FBN2: variants seen among roughly 807,000 people sequenced by gnomAD.
The protein encoded by FBN2 is fibrillin 2, also known as fibrillin-2.
In FBN2, 105 loss-of-function variants were observed where a neutral mutation model predicts 355.6. The observed-to-expected ratio is 0.30, with a 90% CI of 0.25 to 0.35. The LOEUF (loss-of-function observed/expected upper bound fraction) is 0.35, where lower values mean the gene tolerates loss of function less well. Ranked by LOEUF, FBN2 falls within the 10% of genes least tolerant of loss-of-function variation. FBN2 has a pLI of 1.00. For missense variants in FBN2, 3,280 were observed against 3,758.7 expected (o/e 0.87, Z 3.33); for synonymous variants, 1,350 against 1,301.2 (o/e 1.04, Z -0.81).
chr5:128,444,054 CTTTTTTTTT>C (rs35768962), intron 7 of FBN2, among the ~76,000 whole-genome samples: 70 of 65,606 alleles, frequency 1.1e-3, no homozygotes, highest in African/African-American at 3.6e-3. Context: ...ATCACTTGTT[CTTTTTTTTT>C]TTTTTTTTTT....
chr5:128,387,260 C>T (rs1752391066), intron 11 of FBN2, among the ~76,000 whole-genome samples: 1 of 151,784 alleles, frequency 6.6e-6, no homozygotes, highest in South Asian at 2.1e-4. Context: ...AGTTTGTGTG[C>T]ATAGAGGTGT....
chr5:128,504,908 A>G (rs887198345), intron 5 of FBN2, among the ~76,000 whole-genome samples: 2 of 152,182 alleles, frequency 1.3e-5, no homozygotes, highest in Admixed American at 1.3e-4. Flanking sequence ...TTAGAATTGT[A>G]ATAATCCCCA....
In FBN2 at chr5:128,305,085, A is replaced by G. The variant is rs749309633; in HGVS notation, c.5675-3T>C. On this transcript the variant is annotated splice_region_variant and splice_polypyrimidine_tract_variant and intron_variant, in intron 44 of 64. Transcript: ENST00000262464. ...AATTTCTAAACATTCATTGCGATCT[A>G]AAACAGAAAAAAATAAATGTTACAT... 12 of 1,596,740 alleles carry G rather than the reference A, an allele frequency of 7.5e-6. No individual in the cohort carries two copies. The South Asian group carries it at 1.0e-4, about 13-fold the overall frequency.
Position 128,288,514 on chromosome 5 carries a change from T to G in FBN2, c.6681A>C (p.Thr2227=). 1.9e-6 allele frequency: 3 copies of G among 1,613,924 alleles called. No homozygotes were observed. The highest frequency in any genetic ancestry group is 2.5e-6 in the Non-Finnish European group (3 of 1,179,844). ...CSIGNPCGNG[T]CTNVIGSFEC... is the part of the protein sequence containing the mutation. ...CAAAACTCCCAATAACATTGGTGCATGTACCATTTCCACACGGATTGCCGA... is the reference window on the plus strand; with the variant it reads ...CAAAACTCCCAATAACATTGGTGCAGGTACCATTTCCACACGGATTGCCGA... The change falls in exon 53 of 65, where the codon ACA becomes ACC. Residue 2227 remains threonine (T), a synonymous_variant. Coordinates refer to ENST00000262464, the MANE Select transcript of FBN2 (RefSeq NM_001999.4).
In FBN2 at chr5:128,278,643, T is replaced by G. The variant is rs757673788; in HGVS notation, c.7337A>C (p.Asp2446Ala). 6.2e-7 allele frequency: 1 copy of G among 1,613,818 alleles called. No homozygotes were observed. Among genetic ancestry groups the G allele is most frequent in the South Asian group, 1.1e-5 (1 of 91,078 alleles). ...ICPHGPGYTTDGRDIDECKVM... is the reference protein window; with the variant it reads ...ICPHGPGYTTAGRDIDECKVM... ...TTTCCTCAACTCCTTACCTCTTCCATCAGTTGTATATCCTGGGCCATGAGG... is the reference window on the plus strand; with the variant it reads ...TTTCCTCAACTCCTTACCTCTTCCAGCAGTTGTATATCCTGGGCCATGAGG... Residue 2446 changes from aspartate (D) to alanine (A), a missense_variant, in exon 57 of 65, where the codon GAT becomes GCT. Asp to Ala is a moderately radical substitution (Grantham distance 126, BLOSUM62 -2). Around this residue, in one of 6 missense-constraint regions of FBN2, gnomAD observed 2,284 missense variants for 2,749.5 expected, o/e 0.83. Coordinates refer to ENST00000262464, the MANE Select transcript of FBN2 (RefSeq NM_001999.4).
At chr5:128,420,115 A>T (rs1035061664) in intron 7 of FBN2, among the ~76,000 whole-genome samples, 7 of 152,208 alleles carry the variant, frequency 4.6e-5, no homozygotes, top group Admixed American at 3.3e-4. Context: ...GGTATTTTTT[A>T]AAAAATGTAT....
rs748580764 is a variant in FBN2, at chr5:128,309,321, C to T, written c.5279G>A (p.Arg1760Lys). ...CACATTATATGTGCAGCAGCACATCCTTTTTGTCACATTGAAAGGCAACTC... is the reference window on the plus strand; with the variant it reads ...CACATTATATGTGCAGCAGCACATCTTTTTTGTCACATTGAAAGGCAACTC... ...ENELPFNVTK[R>K]MCCCTYNVGK... The change falls in exon 41 of 65, where the codon AGG becomes AAG. Residue 1760 changes from arginine (R) to lysine (K), a missense_variant. Physicochemically the swap from Arg to Lys is conservative, Grantham distance 26. Around this residue, in one of 6 missense-constraint regions of FBN2, gnomAD observed 2,284 missense variants for 2,749.5 expected, o/e 0.83. Transcript: ENST00000262464. The T allele has an allele frequency of 6.2e-7, 1 of 1,613,972 alleles. No homozygotes were observed. Among genetic ancestry groups the T allele is most frequent in the South Asian group, 1.1e-5 (1 of 91,074 alleles).
chr5:128,278,986 A>G, intron 56 of FBN2, 145 bp from the exon 57 acceptor site: 1 of 725,694 alleles, frequency 1.4e-6, no homozygotes, highest in Non-Finnish European at 2.4e-6. Context: ...TTTTGCTGGC[A>G]GTTAAGTTCA....
chr5:128,460,800 G>C (rs889519444), intron 6 of FBN2, among the ~76,000 whole-genome samples: 9 of 152,148 alleles, frequency 5.9e-5, no homozygotes, highest in Admixed American at 3.9e-4. Context: ...AAACTGGCTA[G>C]CCATATGCAG....
rs769856454 is a variant in FBN2, at chr5:128,349,329, T to A, written c.2989+18A>T. The A allele has an allele frequency of 3.7e-6, 6 of 1,614,002 alleles. No individual in the cohort carries two copies. Among genetic ancestry groups the A allele is most frequent in the Non-Finnish European group, 5.1e-6 (6 of 1,179,972 alleles). On this transcript the variant is annotated intron_variant, in intron 23 of 64. Coordinates refer to ENST00000262464, the MANE Select transcript of FBN2 (RefSeq NM_001999.4). ...TGGCTTGTTTTATACATAGAATACA[T>A]GAGGGTGTGAATCTTACCCAAACAT... is the stretch of plus-strand genomic sequence containing the variant.
At chr5:128,347,015 G>A (rs1751199926) in intron 23 of FBN2, among the ~76,000 whole-genome samples, 1 of 152,042 alleles carries the variant, frequency 6.6e-6, no homozygotes, top group Non-Finnish European at 1.5e-5. Flanking sequence ...ATTATCACAG[G>A]GCTCTGAGGG....
chr5:128,437,772 GTATA>G (rs1202543424), intron 7 of FBN2, among the ~76,000 whole-genome samples: 8 of 129,916 alleles, frequency 6.2e-5, no homozygotes, highest in African/African-American at 9.0e-5. Context: ...TAGTATGTAT[GTATA>G]GATAGATAGA....
At chr5:128,354,070 T>A (rs1442576463) in intron 20 of FBN2, among the ~76,000 whole-genome samples, 1 of 152,020 alleles carries the variant, frequency 6.6e-6, no homozygotes, top group Non-Finnish European at 1.5e-5. Context: ...GAGATACAGA[T>A]GTAGATAGTC....
chr5:128,510,958 G>T (rs946581979), intron 5 of FBN2, among the ~76,000 whole-genome samples: 2 of 152,038 alleles, frequency 1.3e-5, no homozygotes, highest in African/African-American at 4.8e-5. Flanking sequence ...TGAGAAAATT[G>T]CTTCACTTCT....
At chr5:128,537,116 T>C (rs1242919845) in intron 1 of FBN2, among the ~76,000 whole-genome samples, 2 of 151,968 alleles carry the variant, frequency 1.3e-5, no homozygotes, top group African/African-American at 4.8e-5. Flanking sequence ...CTGGACCCCC[T>C]AACCACCCGC....
chr5:128,265,109 T>C (rs1581173897), intron 62 of FBN2, among the ~76,000 whole-genome samples: 1 of 152,206 alleles, frequency 6.6e-6, no homozygotes, highest in African/African-American at 2.4e-5. Flanking sequence ...TCTCAGTAAC[T>C]TGGCTACATA....
At chr5:128,484,677 T>G (rs559914179) in intron 5 of FBN2, among the ~76,000 whole-genome samples, 5 of 152,202 alleles carry the variant, frequency 3.3e-5, no homozygotes, top group African/African-American at 7.2e-5. Context: ...TTTTATGTCA[T>G]GTAGTTCTCA....
At chr5:128,485,960 T>C (rs1005430661) in intron 5 of FBN2, among the ~76,000 whole-genome samples, 1 of 152,160 alleles carries the variant, frequency 6.6e-6, no homozygotes, top group Non-Finnish European at 1.5e-5. Context: ...AACAACTGAG[T>C]GATCACAGGG....
intron 16 of FBN2, among the ~76,000 whole-genome samples, chr5:128,367,195 G>A (rs1751794882): frequency 1.3e-5 from 2 of 152,106 alleles, no homozygotes; most frequent in Non-Finnish European, 2.9e-5. Flanking sequence ...CCCCTTTTAA[G>A]GTTTTAGATA....
Sources: allele counts gnomAD v4.1 joint callset (sites outside exome capture counted in the v4.1 genomes callset), GRCh38; gene constraint gnomAD v4.1.1; regional missense constraint gnomAD v4.1.1; transcripts MANE v1.5; gene names NCBI Gene and HGNC (gene_info 2026-07-23, HGNC 2026-07-21).